Variants in CCM2 observed in about 807,000 individuals in gnomAD.
CCM2 encodes cerebral cavernous malformations 2 protein.
Under a neutral mutation model 44.9 loss-of-function variants are expected in CCM2, and 25 were observed. The observed-to-expected ratio is 0.56, with a 90% CI of 0.41 to 0.78. CCM2 has a LOEUF of 0.78. Ranked by LOEUF, CCM2 falls within the 30% of genes least tolerant of loss-of-function variation. The pLI is 0.00. For missense variants in CCM2, 481 were observed against 580.6 expected (o/e 0.83, Z 1.76); for synonymous variants, 219 against 241.1 (o/e 0.91, Z 0.85).
chr7:45,033,680 G>A (rs1299007737), intron 1 of CCM2, among the ~76,000 whole-genome samples: 2 of 152,192 alleles, frequency 1.3e-5, no homozygotes, highest in Admixed American at 6.5e-5. Flanking sequence ...GCAAGCTTCC[G>A]AAAAGCTGGG....
chr7:45,042,428 AT>A (rs1237266428), intron 2 of CCM2, among the ~76,000 whole-genome samples: 4 of 152,174 alleles, frequency 2.6e-5, no homozygotes, highest in Non-Finnish European at 4.4e-5. Context: ...AACTTAAAAG[AT>A]TCAGAAAGCT....
intron 1 of CCM2, among the ~76,000 whole-genome samples, chr7:45,025,881 CT>C (rs1796669191): frequency 6.6e-6 from 1 of 151,402 alleles, no homozygotes; most frequent in African/African-American, 2.4e-5. Flanking sequence ...GGATGCAGTT[CT>C]TCTCAAGTGT....
intron 4 of CCM2, among the ~76,000 whole-genome samples, chr7:45,066,846 G>T (rs1015113196): frequency 1.3e-5 from 2 of 151,642 alleles, no homozygotes; most frequent in Admixed American, 6.6e-5. Context: ...AAAAGGTAGA[G>T]ATTTCTTACC....
rs2128638110 is a variant in CCM2, at chr7:45,076,126, C to G, written c.*69C>G. On this transcript the variant is annotated 3_prime_UTR_variant, in exon 10 of 10. Transcript: ENST00000258781. ...CATAGGCCTTCCCAGAAGGAGCTGC[C>G]CAGACCTGCGTGTCAGCCCTTGGTG... 6.3e-7 allele frequency: 1 copy of G among 1,599,990 alleles called. No homozygotes were observed.
chr7:45,072,857 GC>G, intron 7 of CCM2, 74 bp downstream of exon 7: 2 of 1,241,872 alleles, frequency 1.6e-6, no homozygotes, highest in Non-Finnish European at 2.4e-6. Context: ...CCAGGCTGCA[GC>G]CAGTCAGCTC....
At chr7:45,020,489 T>C (rs1281882777) in intron 1 of CCM2, among the ~76,000 whole-genome samples, 1 of 152,226 alleles carries the variant, frequency 6.6e-6, no homozygotes, top group African/African-American at 2.4e-5. Context: ...AGCCCTCCTA[T>C]GGACTTTTAG....
At chr7:45,040,243 G>C (rs1359458357) in intron 2 of CCM2, among the ~76,000 whole-genome samples, 2 of 152,086 alleles carry the variant, frequency 1.3e-5, no homozygotes, top group East Asian at 3.9e-4. Flanking sequence ...AATTAGCCGG[G>C]CGCGGTGGCG....
At chr7:45,074,449 G>A in intron 9 of CCM2, 41 bp downstream of exon 9, 1 of 1,546,986 alleles carries the variant, frequency 6.5e-7, no homozygotes, top group Non-Finnish European at 8.9e-7. Context: ...TCCAAACCTG[G>A]CTTGGAGAGG....
At chr7:45,031,457 C>G (rs1019860830) in intron 1 of CCM2, among the ~76,000 whole-genome samples, 2 of 151,838 alleles carry the variant, frequency 1.3e-5, no homozygotes, top group African/African-American at 4.8e-5. Flanking sequence ...TAGCCCACTG[C>G]AGCTTTGAGC....
chr7:45,058,168 A>T (rs1714714294), intron 2 of CCM2, among the ~76,000 whole-genome samples: 1 of 152,188 alleles, frequency 6.6e-6, no homozygotes, highest in Non-Finnish European at 1.5e-5. Context: ...CCCAACCTTT[A>T]TACTTTTTGT....
chr7:45,073,208 G>A, intron 7 of CCM2: 1 of 589,692 alleles, frequency 1.7e-6, no homozygotes, highest in Non-Finnish European at 3.0e-6. Flanking sequence ...GCTGCCCACT[G>A]CCTTGACCTG....
intron 2 of CCM2, among the ~76,000 whole-genome samples, chr7:45,047,800 G>T (rs930075662): frequency 2.0e-5 from 3 of 152,142 alleles, no homozygotes; most frequent in Non-Finnish European, 4.4e-5. Context: ...GGTGTGATGT[G>T]CTGTAGTTCT....
intron 5 of CCM2, among the ~76,000 whole-genome samples, 162 bp from the exon 6 acceptor site, chr7:45,069,664 T>G (rs1185149574): frequency 6.6e-6 from 1 of 152,262 alleles, no homozygotes; most frequent in Non-Finnish European, 1.5e-5. Flanking sequence ...GTCTCTCTTT[T>G]GACACCCCTT....
intron 1 of CCM2, among the ~76,000 whole-genome samples, chr7:45,026,584 T>A (rs1353725791): frequency 6.6e-6 from 1 of 151,540 alleles, no homozygotes; most frequent in African/African-American, 2.4e-5. Context: ...GTGAATATAG[T>A]CACTCTAACC....
intron 4 of CCM2, among the ~76,000 whole-genome samples, chr7:45,065,100 A>G (rs957621334): frequency 1.2e-4 from 18 of 151,922 alleles, no homozygotes; most frequent in African/African-American, 4.1e-4. Flanking sequence ...GCTCTTGGTC[A>G]TAGAGGTTAC....
chr7:45,070,831 C>T (rs1799034680), intron 6 of CCM2: 1 of 163,202 alleles, frequency 6.1e-6, no homozygotes, highest in Non-Finnish European at 1.3e-5. Flanking sequence ...AACAGTGCGG[C>T]TTGTTGAGTA....
At chr7:45,046,457 C>T (rs1353842632) in intron 2 of CCM2, among the ~76,000 whole-genome samples, 1 of 152,184 alleles carries the variant, frequency 6.6e-6, no homozygotes, top group Non-Finnish European at 1.5e-5. Flanking sequence ...ATATGCCCAG[C>T]TGATTCTTGA....
At chr7:45,028,666 G>A (rs900239332) in intron 1 of CCM2, among the ~76,000 whole-genome samples, 2 of 151,584 alleles carry the variant, frequency 1.3e-5, no homozygotes, top group Non-Finnish European at 2.9e-5. Flanking sequence ...CAAAAAAAAA[G>A]AAAAGAAAGA....
At chr7:45,028,300 G>GTACC (rs1796783453) in intron 1 of CCM2, among the ~76,000 whole-genome samples, 1 of 152,190 alleles carries the variant, frequency 6.6e-6, no homozygotes, top group African/African-American at 2.4e-5. Flanking sequence ...GGGCACTAAG[G>GTACC]TGCCTATGCC....
Sources: gnomAD v4.1 joint callset for allele counts (sites outside exome capture counted in the v4.1 genomes callset) on GRCh38, gnomAD v4.1.1 for gene constraint, MANE v1.5 for transcripts, NCBI Gene and HGNC (gene_info 2026-07-23, HGNC 2026-07-21) for gene names.